The following ARHGAP42 variants were observed in gnomAD, a reference collection of about 807,000 sequenced individuals.
ARHGAP42 encodes the protein Rho GTPase activating protein 42.
In ARHGAP42, 63 loss-of-function variants were observed where a neutral mutation model predicts 125.0. That is an observed-to-expected ratio of 0.50 (90% CI 0.41 to 0.62). The LOEUF is 0.62. Ranked by LOEUF, ARHGAP42 falls within the 20% of genes least tolerant of loss-of-function variation. The pLI, the probability that ARHGAP42 is intolerant of heterozygous loss-of-function variation, is 0.00. For missense variants in ARHGAP42, 766 were observed against 1,024.2 expected, an observed-to-expected ratio of 0.75 and a Z score of 3.44; for synonymous variants, 339 against 351.0, an observed-to-expected ratio of 0.97 and a Z score of 0.38.
intron 3 of ARHGAP42, among the ~76,000 whole-genome samples, chr11:100,797,581 A>G (rs1298452304): frequency 5.9e-5 from 9 of 151,832 alleles, no homozygotes. Flanking sequence ...TTTTAAGTCC[A>G]CTGTTGAGAC....
chr11:100,913,996 G>C (rs1009107648), intron 5 of ARHGAP42, among the ~76,000 whole-genome samples: 1 of 152,100 alleles, frequency 6.6e-6, no homozygotes, highest in Non-Finnish European at 1.5e-5. Context: ...GTGCAGTGGT[G>C]CACTCTCAGC....
intron 3 of ARHGAP42, among the ~76,000 whole-genome samples, chr11:100,830,391 A>C: frequency 6.6e-6 from 1 of 152,286 alleles, no homozygotes; most frequent in East Asian, 1.9e-4. Flanking sequence ...TGGCTGCTGT[A>C]ATATGGAGAG....
At chr11:100,859,865 A>G (rs970823051) in intron 4 of ARHGAP42, 15 of 316,522 alleles carry the variant, frequency 4.7e-5, no homozygotes, top group Admixed American at 1.5e-4. Flanking sequence ...CAAAAATTAT[A>G]GGAAATTAAT....
chr11:100,851,765 G>A (rs768934184), intron 3 of ARHGAP42, among the ~76,000 whole-genome samples: 10 of 152,164 alleles, frequency 6.6e-5, no homozygotes, highest in Non-Finnish European at 1.3e-4. Flanking sequence ...TAAGCAATGC[G>A]TAATTACGTA....
chr11:100,712,525 C>G (rs190921467), intron 1 of ARHGAP42, among the ~76,000 whole-genome samples: 3 of 152,252 alleles, frequency 2.0e-5, no homozygotes, highest in African/African-American at 7.2e-5. Context: ...CTTCCTCCCC[C>G]CTTCTCCCCC....
At chr11:100,777,675 T>C (rs1863163255) in intron 2 of ARHGAP42, among the ~76,000 whole-genome samples, 1 of 152,126 alleles carries the variant, frequency 6.6e-6, no homozygotes, top group South Asian at 2.1e-4. Context: ...AGGTTAAAAA[T>C]CATAACTGCC....
rs187882232 is a variant in ARHGAP42, at chr11:100,734,116, G to A, written c.155-36227G>A. On this transcript the variant is annotated intron_variant, in intron 1 of 23. Transcript: ENST00000298815. Reference sequence around the variant, plus strand: ...TGCCCAGCTAATTTTTGTATTTTTAGTAGAGATGGGGTTTCACTGTGTTGG... The same window carrying A: ...TGCCCAGCTAATTTTTGTATTTTTAATAGAGATGGGGTTTCACTGTGTTGG... Among the ~76,000 whole-genome samples the A allele has an allele frequency of 5.2e-3, 777 of 150,304 alleles. 2 individuals are homozygous for A. The highest frequency in any genetic ancestry group is 0.011 in the Middle Eastern group (3 of 282).
chr11:100,801,138 G>A (rs556420321), intron 3 of ARHGAP42, among the ~76,000 whole-genome samples: 6 of 152,180 alleles, frequency 3.9e-5, no homozygotes, highest in South Asian at 2.1e-4. Context: ...GGGACATTCC[G>A]GATTTTAGAT....
At chr11:100,888,244 A>G (rs527303811) in intron 4 of ARHGAP42, among the ~76,000 whole-genome samples, 1 of 151,982 alleles carries the variant, frequency 6.6e-6, no homozygotes, top group African/African-American at 2.4e-5. Context: ...TTTAAAAAAA[A>G]AAAGCTTTTC....
chr11:100,976,811 T>C lies in ARHGAP42; in HGVS notation c.2237-4T>C. The stretch of plus-strand genomic sequence containing the variant: ...TTGCCTATTTTCTTGGGCTTTCTTT[T>C]TAGGAAACAAGAGCTACAGTGGATC... On this transcript the variant is annotated splice_polypyrimidine_tract_variant and splice_region_variant and intron_variant, in intron 20 of 23. Coordinates refer to ENST00000298815, the MANE Select transcript of ARHGAP42 (RefSeq NM_152432.4). 6.5e-7 allele frequency: 1 copy of C among 1,549,638 alleles called. No individual in the cohort carries two copies. The highest frequency in any genetic ancestry group is 8.7e-7 in the Non-Finnish European group (1 of 1,146,512).
chr11:100,919,861 C>G (rs1317120451), intron 5 of ARHGAP42, among the ~76,000 whole-genome samples: 1 of 152,196 alleles, frequency 6.6e-6, no homozygotes, highest in Non-Finnish European at 1.5e-5. Flanking sequence ...CTTCCACATT[C>G]TGTGATGTTG....
intron 1 of ARHGAP42, among the ~76,000 whole-genome samples, chr11:100,724,332 A>C (rs1861817434): frequency 6.6e-6 from 1 of 152,138 alleles, no homozygotes; most frequent in Admixed American, 6.5e-5. Context: ...TACTGTTCTC[A>C]TAGAATGAGT....
chr11:100,832,449 A>G (rs919202946), intron 3 of ARHGAP42, among the ~76,000 whole-genome samples: 1 of 152,232 alleles, frequency 6.6e-6, no homozygotes, highest in Non-Finnish European at 1.5e-5. Context: ...TGTTTTATTT[A>G]AAACAATTCA....
intron 17 of ARHGAP42, among the ~76,000 whole-genome samples, chr11:100,968,923 T>A (rs1287826800): frequency 2.0e-5 from 1 of 49,172 alleles, no homozygotes; most frequent in Non-Finnish European, 4.0e-5. Flanking sequence ...TTACCTACAC[T>A]GGGTGTTTTT....
At chr11:100,873,280 A>T (rs1012370554) in intron 4 of ARHGAP42, among the ~76,000 whole-genome samples, 6 of 152,182 alleles carry the variant, frequency 3.9e-5, no homozygotes. Context: ...TGGAGAATGA[A>T]CCGCATTAAG....
At chr11:100,692,871 A>G (rs1004219394) in intron 1 of ARHGAP42, among the ~76,000 whole-genome samples, 1 of 152,224 alleles carries the variant, frequency 6.6e-6, no homozygotes, top group African/African-American at 2.4e-5. Context: ...CTTAGACAAG[A>G]TGAGGCACCT....
At chr11:100,775,135 C>T (rs1035495236) in intron 2 of ARHGAP42, among the ~76,000 whole-genome samples, 1 of 152,108 alleles carries the variant, frequency 6.6e-6, no homozygotes. Flanking sequence ...TTCATCTGCT[C>T]ACTGCAGTGC....
chr11:100,687,841 G>A lies in ARHGAP42; in HGVS notation c.154+9G>A, dbSNP rs1170882385. ...CATTGGGGCGTTGAGGAGTAAGTAG[G>A]GCTGGCGGGGGAGTGGACACCCGCA... On this transcript the variant is annotated intron_variant, in intron 1 of 23. Coordinates refer to ENST00000298815, the MANE Select transcript of ARHGAP42 (RefSeq NM_152432.4). 3 of 1,541,438 alleles carry A rather than the reference G, an allele frequency of 1.9e-6. No individual in the cohort carries two copies. Among genetic ancestry groups the A allele is most frequent in the East Asian group, 5.0e-5 (2 of 40,374 alleles).
At chr11:100,985,231 T>C (rs75994529) in intron 22 of ARHGAP42, among the ~76,000 whole-genome samples, 16,743 of 152,200 alleles carry the variant, frequency 0.11, 1,115 homozygotes, top group Non-Finnish European at 0.13. Flanking sequence ...GTAAAGAATA[T>C]TGTAATCACT....
Sources: gnomAD v4.1 joint callset for allele counts (sites outside exome capture counted in the v4.1 genomes callset) on GRCh38, gnomAD v4.1.1 for gene constraint, MANE v1.5 for transcripts, NCBI Gene and HGNC (gene_info 2026-07-23, HGNC 2026-07-21) for gene names.